Variants in SHOC1 observed in about 807,000 individuals in gnomAD.
The protein encoded by SHOC1 is shortage in chiasmata 1.
Under a neutral mutation model 179.2 loss-of-function variants are expected in SHOC1, and 136 were observed. The ratio of observed to expected loss-of-function variants is 0.76; its 90% CI spans 0.66 to 0.87. The LOEUF is 0.87. Ranked by LOEUF, SHOC1 falls within the 40% of genes least tolerant of loss-of-function variation. The pLI is 0.00. For synonymous variants in SHOC1, 489 were observed against 586.6 expected, an observed-to-expected ratio of 0.83 and a Z score of 2.41; for missense variants, 1,538 against 1,700.8, an observed-to-expected ratio of 0.90 and a Z score of 1.68.
At chr9:111,754,201 C>T (rs544976623) in intron 8 of SHOC1, among the ~76,000 whole-genome samples, 1 of 152,012 alleles carries the variant, frequency 6.6e-6, no homozygotes, top group South Asian at 2.1e-4. Flanking sequence ...TTCAAGTAAT[C>T]CCAAAGAAGG....
At chr9:111,703,783 A>G (rs1350037963) in intron 22 of SHOC1, 98 bp downstream of exon 22, 2 of 589,874 alleles carry the variant, frequency 3.4e-6, no homozygotes, top group Non-Finnish European at 5.6e-6. Context: ...AGAAGAAATC[A>G]CTAATATAGT....
intron 8 of SHOC1, among the ~76,000 whole-genome samples, 160 bp downstream of exon 8, chr9:111,756,165 A>C (rs1834851288): frequency 6.6e-6 from 1 of 152,194 alleles, no homozygotes; most frequent in Admixed American, 6.5e-5. Context: ...GACAATGAGA[A>C]AATAATCTCA....
chr9:111,725,312 C>T (rs1381012951), intron 13 of SHOC1, among the ~76,000 whole-genome samples: 2 of 151,944 alleles, frequency 1.3e-5, no homozygotes, highest in African/African-American at 2.4e-5. Flanking sequence ...GTAAAATATA[C>T]ACCAAAATAT....
At chr9:111,700,893 C>T (rs539473962) in intron 23 of SHOC1, among the ~76,000 whole-genome samples, 11 of 152,098 alleles carry the variant, frequency 7.2e-5, no homozygotes, top group African/African-American at 1.9e-4. Context: ...CTAATGAGCT[C>T]GTCTGGTAGA....
rs201563737 is a variant in SHOC1, at chr9:111,690,341, G to A, written c.4426+1210C>T. ...CTTGGGAGGCTAAGATGGGAGGATC[G>A]GTTGAGCCCGAAAGGTGGGGGTGGC... On this transcript the variant is annotated intron_variant, in intron 27 of 27. Transcript: ENST00000682961. Among the ~76,000 whole-genome samples, 9 of 152,238 alleles carry A rather than the reference G, an allele frequency of 5.9e-5. No homozygotes were observed. The East Asian group carries it at 1.7e-3, about 29-fold the overall frequency.
chr9:111,781,427 T>C (rs992568342), intron 3 of SHOC1, among the ~76,000 whole-genome samples: 1 of 152,162 alleles, frequency 6.6e-6, no homozygotes, highest in African/African-American at 2.4e-5. Flanking sequence ...TACAGTCCTA[T>C]ATTTAAAATT....
In SHOC1 at chr9:111,782,245, G is replaced by C. The variant is rs954916435; in HGVS notation, c.170-1228C>G. On this transcript the variant is annotated intron_variant, in intron 3 of 27. Coordinates refer to ENST00000682961, the MANE Select transcript of SHOC1 (RefSeq NM_001378211.1). ...AAAAGAAAAAAAGTTTAGTGGTTAAGAGTACAGGTTCTGGAAACACTCTGC... is the reference window on the plus strand; with the variant it reads ...AAAAGAAAAAAAGTTTAGTGGTTAACAGTACAGGTTCTGGAAACACTCTGC... 3.9e-5 allele frequency among the ~76,000 whole-genome samples: 6 copies of C among 152,136 alleles called. No homozygotes were observed. The East Asian group carries it at 5.8e-4, about 15-fold the overall frequency.
At chr9:111,729,248 C>T (rs572636869) in intron 12 of SHOC1, among the ~76,000 whole-genome samples, 1 of 103,876 alleles carries the variant, frequency 9.6e-6, no homozygotes, top group Non-Finnish European at 2.3e-5. Context: ...ACTACAGGTG[C>T]GTACCACCAT....
At chr9:111,737,688 A>AC (rs34813776) in intron 12 of SHOC1, among the ~76,000 whole-genome samples, 1,876 of 147,480 alleles carry the variant, frequency 0.013, 25 homozygotes, top group Non-Finnish European at 0.019. Context: ...ATAAAAACAA[A>AC]CCCCCCCCCC....
At chr9:111,741,847 G>C (rs1003024522) in intron 10 of SHOC1, among the ~76,000 whole-genome samples, 7 of 152,056 alleles carry the variant, frequency 4.6e-5, no homozygotes, top group Non-Finnish European at 5.9e-5. Flanking sequence ...GGCCAGGCTG[G>C]TCTCCAGCTC....
At chr9:111,698,807 G>A (rs183695576) in intron 24 of SHOC1, among the ~76,000 whole-genome samples, 2 of 152,216 alleles carry the variant, frequency 1.3e-5, no homozygotes, top group East Asian at 3.9e-4. Context: ...CTCAGTAAAT[G>A]GTGAGTAAAA....
chr9:111,690,731 T>C (rs563431710), intron 27 of SHOC1, among the ~76,000 whole-genome samples: 1 of 152,172 alleles, frequency 6.6e-6, no homozygotes, highest in South Asian at 2.1e-4. Context: ...AAGTTGTAAG[T>C]ATTAAATAAG....
At chr9:111,778,045 T>C (rs982021118) in intron 4 of SHOC1, among the ~76,000 whole-genome samples, 51 of 152,184 alleles carry the variant, frequency 3.4e-4, no homozygotes, top group African/African-American at 1.2e-3. Flanking sequence ...GGGTCAGCAC[T>C]CTATAGCAAT....
At chr9:111,775,065 G>A (rs746663740) in intron 5 of SHOC1, among the ~76,000 whole-genome samples, 6 of 151,804 alleles carry the variant, frequency 4.0e-5, no homozygotes, top group Non-Finnish European at 7.4e-5. Context: ...GCGCGATCTC[G>A]GTTCACTGTA....
At chr9:111,715,562 G>A (rs1832746467) in intron 16 of SHOC1, among the ~76,000 whole-genome samples, 1 of 151,948 alleles carries the variant, frequency 6.6e-6, no homozygotes, top group Non-Finnish European at 1.5e-5. Flanking sequence ...AAATTCTTTT[G>A]TGTAGCTTAA....
chr9:111,686,943 T>TC, intron 27 of SHOC1, 73 bp from the exon 28 acceptor site: 6 of 923,552 alleles, frequency 6.5e-6, no homozygotes, highest in Middle Eastern at 2.6e-4. Context: ...CTTTTCCTTT[T>TC]TTTTTTTTTT....
intron 2 of SHOC1, among the ~76,000 whole-genome samples, chr9:111,789,915 C>G (rs1221234883): frequency 6.6e-6 from 1 of 152,032 alleles, no homozygotes; most frequent in East Asian, 1.9e-4. Context: ...GCCTGCATGT[C>G]TTTCTTATTT....
At chr9:111,793,795 C>A (rs1323405206) in intron 1 of SHOC1, among the ~76,000 whole-genome samples, 1 of 151,808 alleles carries the variant, frequency 6.6e-6, no homozygotes, top group Non-Finnish European at 1.5e-5. Context: ...AGGTCAGGCA[C>A]AAGGCCAGGA....
intron 8 of SHOC1, among the ~76,000 whole-genome samples, chr9:111,748,966 A>T (rs1262836194): frequency 1.2e-4 from 7 of 60,080 alleles, no homozygotes; most frequent in Non-Finnish European, 1.5e-4. Context: ...CTATCCTTTT[A>T]TTTTCCCCTC....
Sources: allele counts gnomAD v4.1 joint callset (sites outside exome capture counted in the v4.1 genomes callset), GRCh38; gene constraint gnomAD v4.1.1; transcripts MANE v1.5; gene names NCBI Gene and HGNC (gene_info 2026-07-23, HGNC 2026-07-21).